Variants in PEX10 observed in about 807,000 individuals in gnomAD.
PEX10 encodes peroxisomal biogenesis factor 10, also known as peroxisome biogenesis factor 10.
Under a neutral mutation model 38.0 loss-of-function variants are expected in PEX10, and 32 were observed. The observed-to-expected ratio is 0.84, with a 90% confidence interval of 0.63 to 1.13. The LOEUF (loss-of-function observed/expected upper bound fraction) is 1.13, where lower values mean the gene tolerates loss of function less well. Among genes scored for constraint, PEX10 ranks in the 50% most tolerant of loss-of-function variants. PEX10 has a pLI of 0.00. For synonymous variants in PEX10, 206 were observed against 207.3 expected (o/e 0.99, Z 0.05); for missense variants, 483 against 457.7 (o/e 1.06, Z -0.51).
chr1:2,407,918 A>G (rs1198111265), intron 3 of PEX10, among the ~76,000 whole-genome samples: 1 of 151,368 alleles, frequency 6.6e-6, no homozygotes, highest in Admixed American at 6.6e-5. Context: ...ATCTGGAAGC[A>G]GGGGCATCAG....
At chr1:2,411,646 C>A (rs185598733) in intron 1 of PEX10, among the ~76,000 whole-genome samples, 1 of 152,152 alleles carries the variant, frequency 6.6e-6, no homozygotes, top group Admixed American at 6.5e-5. Flanking sequence ...TCAGGCGATT[C>A]TCTTGCCTCA....
chr1:2,406,427 G>A, intron 5 of PEX10, 57 bp downstream of exon 5: 5 of 1,599,738 alleles, frequency 3.1e-6, no homozygotes, highest in African/African-American at 1.3e-5. Context: ...GCAGCCAGGT[G>A]CATCTTGCCG....
In PEX10 at chr1:2,405,268, G is replaced by A. The variant is rs948115083; in HGVS notation, c.*498C>T. On this transcript the variant is annotated 3_prime_UTR_variant, in exon 6 of 6. Coordinates refer to ENST00000447513, the MANE Select transcript of PEX10 (RefSeq NM_002617.4). ...AGCCGCCCTCGGGGAGAGCAGCGCC[G>A]CCTCCCATGGGGCCGTGGGGCTGCT... 4.3e-5 allele frequency: 12 copies of A among 281,916 alleles called. No individual in the cohort carries two copies. Among genetic ancestry groups the A allele is most frequent in the East Asian group, 1.0e-4 (1 of 9,964 alleles). The allele number at this position is 281,916 out of a possible 1,614,324, so 17.5% of individuals were successfully genotyped here. A position where few individuals can be genotyped will look rare whatever the true frequency, so the allele number is the denominator to read the frequency against.
At position 2,405,575 on chromosome 1, in the gene PEX10, C is replaced by A; in HGVS notation, c.*191G>T. 3 of 700,230 alleles carry A rather than the reference C, an allele frequency of 4.3e-6. No homozygotes were observed. In the Admixed American group the frequency reaches 6.1e-5, roughly 14 times the overall value. 43.4% of individuals were successfully genotyped at this position (700,230 alleles called of 1,614,324 possible). A position where few individuals can be genotyped will look rare whatever the true frequency, so the allele number is the denominator to read the frequency against. Reference sequence around the variant, plus strand: ...GGAAATGTTCTGGGTTCAGGCGCCCCTCCCAGGGCTGAGAAAGCGCAGCCA... The same window carrying A: ...GGAAATGTTCTGGGTTCAGGCGCCCATCCCAGGGCTGAGAAAGCGCAGCCA... On this transcript the variant is annotated 3_prime_UTR_variant, in exon 6 of 6. Transcript: ENST00000447513.
At position 2,410,561 on chromosome 1, in the gene PEX10, C is replaced by G; in HGVS notation, c.113-110G>C. On this transcript the variant is annotated intron_variant, in intron 1 of 5. Transcript: ENST00000447513. This position sits in a 1 kb window ranked among gnomAD's most constrained non-coding sequence, Gnocchi z 5.1. ...GGCCCAGATCCAGTCCCACCCCTTC[C>G]ATGAAGCCAACACTCACTCCCTGGC... 1.1e-6 allele frequency: 1 copy of G among 929,008 alleles called. No individual in the cohort carries two copies. The highest frequency in any genetic ancestry group is 1.6e-5 in the African/African-American group (1 of 61,616). 57.5% of individuals were successfully genotyped at this position (929,008 alleles called of 1,614,324 possible).
chr1:2,413,242 G>T (rs546350388), upstream of PEX10, among the ~76,000 whole-genome samples: 1 of 152,358 alleles, frequency 6.6e-6, no homozygotes, highest in Admixed American at 6.5e-5. Flanking sequence ...CGGGTGGGGG[G>T]CAGCCGGGAA....
At position 2,405,299 on chromosome 1, in the gene PEX10, C is replaced by T; in HGVS notation, c.*467G>A. On this transcript the variant is annotated 3_prime_UTR_variant, in exon 6 of 6. Transcript: ENST00000447513. ...CATGGGGCCGTGGGGCTGCTGTTCTCACTGCACTGGCTGAAGCAACCCGCC... is the reference window on the plus strand; with the variant it reads ...CATGGGGCCGTGGGGCTGCTGTTCTTACTGCACTGGCTGAAGCAACCCGCC... 3.2e-6 allele frequency: 1 copy of T among 317,408 alleles called. No individual in the cohort carries two copies. The highest frequency in any genetic ancestry group is 8.9e-5 in the East Asian group (1 of 11,294). 19.7% of individuals were successfully genotyped at this position (317,408 alleles called of 1,614,324 possible).
chr1:2,413,362 C>G (rs1439654076), upstream of PEX10, among the ~76,000 whole-genome samples: 5 of 152,206 alleles, frequency 3.3e-5, no homozygotes, highest in Admixed American at 6.5e-5. Context: ...GCAGGCGCTC[C>G]GATCCCTCTG....
At position 2,406,971 on chromosome 1, in the gene PEX10, G is replaced by C. The variant is rs373676994; in HGVS notation, c.601-76C>G. On this transcript the variant is annotated intron_variant, in intron 3 of 5. Transcript: ENST00000447513. ...TCAGCGCCTGCTGGGAGGGTCACAC[G>C]TTCAGTTGGCACAGAGCACGTTAGA... is the stretch of plus-strand genomic sequence containing the variant. 1.1e-5 allele frequency: 17 copies of C among 1,550,656 alleles called. No homozygotes were observed. The South Asian group carries it at 2.0e-4, about 18-fold the overall frequency.
rs936802773 is a variant in PEX10 at position 2,405,539 on chromosome 1, G to A, written c.*227C>T. 1.4e-5 allele frequency: 9 copies of A among 656,470 alleles called. No homozygotes were observed. The African/African-American group carries it at 1.6e-4, about 12-fold the overall frequency. 40.7% of individuals were successfully genotyped at this position (656,470 alleles called of 1,614,324 possible). On this transcript the variant is annotated 3_prime_UTR_variant, in exon 6 of 6. Transcript: ENST00000447513. ...TGAAGAAGTGGCTGAGTCCTACCAG[G>A]TTGGGGTTAGGGAAATGTTCTGGGT...
At position 2,406,613 on chromosome 1, in the gene PEX10, G is replaced by A; in HGVS notation, c.783C>T (p.Ser261=). The A allele has an allele frequency of 6.2e-7, 1 of 1,613,354 alleles. No individual in the cohort carries two copies. The highest frequency in any genetic ancestry group is 8.5e-7 in the Non-Finnish European group (1 of 1,179,856). Residue 261 remains serine (S), a synonymous_variant, in exon 5 of 6, where the codon TCC becomes TCT. Coordinates refer to ENST00000447513, the MANE Select transcript of PEX10 (RefSeq NM_002617.4). The part of the protein sequence containing the change: ...LHRGLSHRRA[S]LEERAVSRNP... ...TTCTGGAAACGGCTCTCTCCTCCAA[G>A]GAGGCCCTGGGGAAGGTGGGGCAGA...
upstream of PEX10, among the ~76,000 whole-genome samples, chr1:2,413,026 C>T (rs1334054245): frequency 1.3e-5 from 2 of 152,258 alleles, no homozygotes; most frequent in African/African-American, 2.4e-5. Flanking sequence ...GGCGGTCCCG[C>T]CCTCGCGCCC....
At chr1:2,408,293 T>C (rs1411350145) in intron 3 of PEX10, among the ~76,000 whole-genome samples, 159 bp downstream of exon 3, 2 of 152,200 alleles carry the variant, frequency 1.3e-5, no homozygotes, top group Non-Finnish European at 2.9e-5. Flanking sequence ...TCTGCTTTTT[T>C]TCCAAGCAGA....
chr1:2,406,433 T>G, intron 5 of PEX10, 51 bp downstream of exon 5: 1 of 1,603,306 alleles, frequency 6.2e-7, no homozygotes, highest in Non-Finnish European at 8.5e-7. Flanking sequence ...AGGTGCATCT[T>G]GCCGGCACAG....
intron 3 of PEX10, among the ~76,000 whole-genome samples, chr1:2,407,459 C>T (rs1210653669): frequency 3.9e-5 from 6 of 152,336 alleles, no homozygotes; most frequent in African/African-American, 1.4e-4. Flanking sequence ...CCGGGAACCA[C>T]ATACAGAGGT....
rs140273455 is a variant in PEX10, at chr1:2,411,230, CTT to C, written c.113-781_113-780del. ...CCCCCCAAAGACTTGATGGCTTTGC[CTT>C]TTTTTTTTTTTTTTTTTTTTTGAGA... On this transcript the variant is annotated intron_variant, in intron 1 of 5. Transcript: ENST00000447513. 6.8e-3 allele frequency among the ~76,000 whole-genome samples: 779 copies of C among 113,912 alleles called. 6 individuals are homozygous for C. The South Asian group carries it at 0.075, about 11-fold the overall frequency. 74.7% of individuals were successfully genotyped at this position (113,912 alleles called of 152,430 possible). A position where few individuals can be genotyped will look rare whatever the true frequency, so the allele number is the denominator to read the frequency against.
At chr1:2,412,810 G>C (rs554812809), upstream of PEX10, among the ~76,000 whole-genome samples, 394 of 152,220 alleles carry the variant, frequency 2.6e-3, 3 homozygotes, top group African/African-American at 9.4e-3. Context: ...TGGCGAGGCA[G>C]CGGGATGGGC....
At chr1:2,411,509 A>G (rs565418478) in intron 1 of PEX10, among the ~76,000 whole-genome samples, 1 of 151,720 alleles carries the variant, frequency 6.6e-6, no homozygotes, top group African/African-American at 2.4e-5. Flanking sequence ...CTGGGATTAC[A>G]GGCGTGAGCC....
intron 1 of PEX10, among the ~76,000 whole-genome samples, chr1:2,411,585 G>A (rs1363083789): frequency 1.3e-5 from 2 of 151,088 alleles, no homozygotes; most frequent in African/African-American, 4.9e-5. Context: ...CGTCGCCCAG[G>A]CTGGAGTGCA....
Sources: allele counts gnomAD v4.1 joint callset (sites outside exome capture counted in the v4.1 genomes callset), GRCh38; gene constraint gnomAD v4.1.1; non-coding constraint Gnocchi (gnomAD v3.1); transcripts MANE v1.5; gene names NCBI Gene and HGNC (gene_info 2026-07-23, HGNC 2026-07-21).